PABPC3: variants seen among roughly 807,000 people sequenced by gnomAD.
PABPC3 encodes the protein poly(A) binding protein cytoplasmic 3, also known as polyadenylate-binding protein 3.
PABPC3 carries 43 observed loss-of-function variants against 43.0 expected under a neutral mutation model. The observed-to-expected ratio is 1.00, with a 90% CI of 0.78 to 1.29. PABPC3 has a LOEUF of 1.29. Among genes scored for constraint, PABPC3 ranks in the 50% most tolerant of loss-of-function variants. PABPC3 has a pLI of 0.00. For missense variants in PABPC3, 784 were observed against 798.1 expected (o/e 0.98, Z 0.21); for synonymous variants, 221 against 274.6 (o/e 0.80, Z 1.93).
chr13:25,098,037 A>G lies in PABPC3; in HGVS notation c.1839A>G (p.Gln613=). 2.5e-6 allele frequency: 4 copies of G among 1,614,032 alleles called. No individual in the cohort carries two copies. The highest frequency in any genetic ancestry group is 3.4e-6 in the Non-Finnish European group (4 of 1,179,874). ...CTGTAGCTGTACTACAAGCCCACCAAGCTAAAGAGGCTACCCAGAAAGCAG... is the reference window on the plus strand; with the variant it reads ...CTGTAGCTGTACTACAAGCCCACCAGGCTAAAGAGGCTACCCAGAAAGCAG... ...DEAVAVLQAH[Q]AKEATQKAVN... The change falls in exon 1 of 1, where the codon CAA becomes CAG. Residue 613 remains glutamine, a synonymous_variant. Transcript: ENST00000281589.
chr13:25,096,917 G>A lies in PABPC3; in HGVS notation c.719G>A (p.Arg240Lys). The A allele has an allele frequency of 6.2e-7, 1 of 1,614,270 alleles. No homozygotes were observed. The highest frequency in any genetic ancestry group is 2.2e-5 in the East Asian group (1 of 44,892). The change falls in exon 1 of 1, where the codon AGG (arginine) becomes AAG (lysine). Residue 240 changes from arginine (R) to lysine (K), a missense_variant. Coordinates refer to ENST00000281589, the MANE Select transcript of PABPC3 (RefSeq NM_030979.3). ...SKGFGFVSFE[R>K]HEDAQKAVDE... Reference sequence around the variant, plus strand: ...GGATTTGGATTTGTAAGCTTTGAAAGGCATGAAGATGCACAGAAAGCTGTA... The same window carrying A: ...GGATTTGGATTTGTAAGCTTTGAAAAGCATGAAGATGCACAGAAAGCTGTA...
Position 25,098,190 on chromosome 13 carries a change from A to T in PABPC3, c.*96A>T, listed in dbSNP as rs1224028753. ...GGGAAAAAAAATTGCAAAATCTAAA[A>T]TAAAAAATGCAAAATCTAAAATAAA... is the stretch of plus-strand genomic sequence containing the variant. On this transcript the variant is annotated 3_prime_UTR_variant, in exon 1 of 1. Transcript: ENST00000281589. The T allele has an allele frequency of 4.5e-6, 5 of 1,113,756 alleles. No individual in the cohort carries two copies. The African/African-American group carries it at 7.9e-5, about 18-fold the overall frequency. The allele number at this position is 1,113,756 out of a possible 1,614,324, so 69.0% of individuals were successfully genotyped here.
In PABPC3 at chr13:25,097,294, G is replaced by A. The variant is rs748020373; in HGVS notation, c.1096G>A (p.Ala366Thr). 5 of 1,614,268 alleles carry A rather than the reference G, an allele frequency of 3.1e-6. No homozygotes were observed. The highest frequency in any genetic ancestry group is 4.2e-6 in the Non-Finnish European group (5 of 1,180,046). ...TGTGGCCACAAAGCCATTGTATGTA[G>A]CTTTAGCTCAGCGCAAAGAAGAGCG... Reference protein sequence around the residue: ...RIVATKPLYVALAQRKEERQA... With the variant: ...RIVATKPLYVTLAQRKEERQA... The change falls in exon 1 of 1, where the codon GCT becomes ACT. Residue 366 changes from alanine (A) to threonine (T), a missense_variant. Physicochemically the swap from Ala to Thr is moderately conservative, Grantham distance 58. Coordinates refer to ENST00000281589, the MANE Select transcript of PABPC3 (RefSeq NM_030979.3).
Position 25,097,785 on chromosome 13 carries a change from G to C in PABPC3, c.1587G>C (p.Gln529His), listed in dbSNP as rs187407273. 6.3e-5 allele frequency: 102 copies of C among 1,614,138 alleles called. No homozygotes were observed. The East Asian group carries it at 2.3e-3, about 36-fold the overall frequency. ...CACAGCCACAAGTTACAATGCAACA[G>C]CTTGCTGTTCATGTACAAGGTCAGG... ...RNAQPQVTMQQLAVHVQGQET... is the reference protein window; with the variant it reads ...RNAQPQVTMQHLAVHVQGQET... Residue 529 changes from glutamine (Q) to histidine (H), a missense_variant, in exon 1 of 1, where the codon CAG (glutamine) becomes CAC (histidine). Transcript: ENST00000281589.
Position 25,097,516 on chromosome 13 carries a change from C to T in PABPC3, c.1318C>T (p.Pro440Ser). Residue 440 changes from proline to serine, a missense_variant, in exon 1 of 1, where the codon CCA becomes TCA. Pro to Ser is a moderately conservative substitution (Grantham distance 74, BLOSUM62 -1). Coordinates refer to ENST00000281589, the MANE Select transcript of PABPC3 (RefSeq NM_030979.3). ...RWTAQGARPHPFQNKPSAIRP... is the reference protein window; with the variant it reads ...RWTAQGARPHSFQNKPSAIRP... The stretch of plus-strand genomic sequence containing the variant: ...GACTGCTCAGGGTGCCAGACCTCAT[C>T]CATTCCAAAATAAGCCCAGTGCTAT... 1 of 1,614,256 alleles carries T rather than the reference C, an allele frequency of 6.2e-7. No homozygotes were observed. The highest frequency in any genetic ancestry group is 8.5e-7 in the Non-Finnish European group (1 of 1,180,042).
chr13:25,096,601 A>G lies in PABPC3; in HGVS notation c.403A>G (p.Asn135Asp), dbSNP rs142227909. The part of the protein sequence containing the change: ...ILSCNVVCDE[N>D]GSKGYGFVHF... ...TTCGTGTAACGTGGTTTGTGATGAAAATGGTTCCAAGGGTTATGGATTTGT... is the reference window on the plus strand; with the variant it reads ...TTCGTGTAACGTGGTTTGTGATGAAGATGGTTCCAAGGGTTATGGATTTGT... The change falls in exon 1 of 1, where the codon AAT (asparagine) becomes GAT (aspartate). Residue 135 changes from asparagine (N) to aspartate (D), a missense_variant. Coordinates refer to ENST00000281589, the MANE Select transcript of PABPC3 (RefSeq NM_030979.3). 5.6e-6 allele frequency: 9 copies of G among 1,614,144 alleles called. No individual in the cohort carries two copies. The highest frequency in any genetic ancestry group is 1.6e-4 in the Middle Eastern group (1 of 6,084).
At position 25,096,160 on chromosome 13, in the gene PABPC3, A is replaced by G; in HGVS notation, c.-39A>G. On this transcript the variant is annotated 5_prime_UTR_variant, in exon 1 of 1. Transcript: ENST00000281589. ...CACGCGCTCTACTCCTGTAACGGAA[A>G]GGTCGCGGCTTGTGTGCCTGCGGGC... 4.4e-6 allele frequency: 7 copies of G among 1,581,764 alleles called. No homozygotes were observed. The highest frequency in any genetic ancestry group is 6.0e-6 in the Non-Finnish European group (7 of 1,162,062).
Position 25,097,106 on chromosome 13 carries a change from A to G in PABPC3, c.908A>G (p.Asp303Gly). 6.2e-7 allele frequency: 1 copy of G among 1,614,308 alleles called. No individual in the cohort carries two copies. The highest frequency in any genetic ancestry group is 8.5e-7 in the Non-Finnish European group (1 of 1,180,060). ...AATCTTTATGTGAAAAATCTTGATG[A>G]TGGTATTGATGATGAACGTCTCCGG... ...VVNLYVKNLD[D>G]GIDDERLRKA... The change falls in exon 1 of 1, where the codon GAT (aspartate) becomes GGT (glycine). Residue 303 changes from aspartate (D) to glycine (G), a missense_variant. Coordinates refer to ENST00000281589, the MANE Select transcript of PABPC3 (RefSeq NM_030979.3).
rs1956033562 is a variant in PABPC3 at position 25,096,144 on chromosome 13, T to A, written c.-55T>A. 6.4e-7 allele frequency: 1 copy of A among 1,556,068 alleles called. No individual in the cohort carries two copies. Among genetic ancestry groups the A allele is most frequent in the Non-Finnish European group, 8.7e-7 (1 of 1,145,940 alleles). On this transcript the variant is annotated 5_prime_UTR_variant, in exon 1 of 1. Coordinates refer to ENST00000281589, the MANE Select transcript of PABPC3 (RefSeq NM_030979.3). ...ACGCCCCCGGCCCCGGCACGCGCTC[T>A]ACTCCTGTAACGGAAAGGTCGCGGC...
In PABPC3 at chr13:25,096,165, G is replaced by T; in HGVS notation, c.-34G>T. 1 of 1,588,990 alleles carries T rather than the reference G, an allele frequency of 6.3e-7. No individual in the cohort carries two copies. The highest frequency in any genetic ancestry group is 8.6e-7 in the Non-Finnish European group (1 of 1,166,086). On this transcript the variant is annotated 5_prime_UTR_variant, in exon 1 of 1. Transcript: ENST00000281589. ...GCTCTACTCCTGTAACGGAAAGGTC[G>T]CGGCTTGTGTGCCTGCGGGCAGCCG...
chr13:25,096,639 A>T lies in PABPC3; in HGVS notation c.441A>T (p.Thr147=). ...GTTATGGATTTGTACACTTTGAGAC[A>T]CACGAAGCAGCTGAAAGAGCTATTA... is the stretch of plus-strand genomic sequence containing the variant. ...SKGYGFVHFE[T]HEAAERAIKK... is the part of the protein sequence containing the mutation. Residue 147 remains threonine (T), a synonymous_variant, in exon 1 of 1, where the codon ACA becomes ACT. Coordinates refer to ENST00000281589, the MANE Select transcript of PABPC3 (RefSeq NM_030979.3). 1 of 1,382,496 alleles carries T rather than the reference A, an allele frequency of 7.2e-7. No individual in the cohort carries two copies. Among genetic ancestry groups the T allele is most frequent in the Non-Finnish European group, 9.5e-7 (1 of 1,057,706 alleles). 85.6% of individuals were successfully genotyped at this position (1,382,496 alleles called of 1,614,324 possible).
In PABPC3 at chr13:25,098,530, A is replaced by G. The variant is rs1362911811; in HGVS notation, c.*436A>G. ...GCAAGGAAACATGGTTTGGATTATA[A>G]AATTCTTGCTTTAATAAAAATTTCT... On this transcript the variant is annotated 3_prime_UTR_variant, in exon 1 of 1. Coordinates refer to ENST00000281589, the MANE Select transcript of PABPC3 (RefSeq NM_030979.3). 1 of 168,022 alleles carries G rather than the reference A, an allele frequency of 6.0e-6. No homozygotes were observed. Among genetic ancestry groups the G allele is most frequent in the Non-Finnish European group, 1.5e-5 (1 of 68,914 alleles). The allele number at this position is 168,022 out of a possible 1,614,324, so 10.4% of individuals were successfully genotyped here.
Position 25,097,799 on chromosome 13 carries a change from T to C in PABPC3, c.1601T>C (p.Val534Ala). 6.2e-7 allele frequency: 1 copy of C among 1,614,114 alleles called. No homozygotes were observed. Among genetic ancestry groups the C allele is most frequent in the Non-Finnish European group, 8.5e-7 (1 of 1,179,968 alleles). Residue 534 changes from valine to alanine, a missense_variant, in exon 1 of 1, where the codon GTA becomes GCA. Val to Ala is a moderately conservative substitution (Grantham distance 64, BLOSUM62 0). Coordinates refer to ENST00000281589, the MANE Select transcript of PABPC3 (RefSeq NM_030979.3). ...QVTMQQLAVH[V>A]QGQETLTASR... ...ACAATGCAACAGCTTGCTGTTCATG[T>C]ACAAGGTCAGGAAACTTTGACTGCC...
In PABPC3 at chr13:25,096,843, G is replaced by T. The variant is rs77476965; in HGVS notation, c.645G>T (p.Gly215=). The change falls in exon 1 of 1, where the codon GGG becomes GGT. Residue 215 remains glycine (G), a synonymous_variant. Transcript: ENST00000281589. ...ERLKDLFGKF[G]PALSVKVMTD... is the part of the protein sequence containing the mutation. The stretch of plus-strand genomic sequence containing the variant: ...TTAAGGATCTCTTTGGCAAGTTCGG[G>T]CCCGCCTTAAGTGTGAAAGTAATGA... The T allele has an allele frequency of 5.7e-6, 9 of 1,587,778 alleles. No individual in the cohort carries two copies. The highest frequency in any genetic ancestry group is 1.7e-5 in the Admixed American group (1 of 59,202).
rs370833725 is a variant in PABPC3, at chr13:25,097,651, G to C, written c.1453G>C (p.Gly485Arg). ...TGCTAACACATCAACACAGACAGTG[G>C]GTCCACGTCCTGCAGCTGCTGCTGC... ...RVANTSTQTV[G>R]PRPAAAAAAA... is the part of the protein sequence containing the mutation. Residue 485 changes from glycine to arginine, a missense_variant, in exon 1 of 1, where the codon GGT (glycine) becomes CGT (arginine). Physicochemically the swap from Gly to Arg is moderately radical, Grantham distance 125 (BLOSUM62 -2). Transcript: ENST00000281589. 1.4e-5 allele frequency: 22 copies of C among 1,614,036 alleles called. No homozygotes were observed. Among genetic ancestry groups the C allele is most frequent in the East Asian group, 2.2e-5 (1 of 44,900 alleles).
At position 25,097,225 on chromosome 13, in the gene PABPC3, C is replaced by T. The variant is rs760119761; in HGVS notation, c.1027C>T (p.Pro343Ser). 2 of 1,614,140 alleles carry T rather than the reference C, an allele frequency of 1.2e-6. No homozygotes were observed. Among genetic ancestry groups the T allele is most frequent in the Admixed American group, 1.7e-5 (1 of 60,016 alleles). Residue 343 changes from proline (P) to serine (S), a missense_variant, in exon 1 of 1, where the codon CCA becomes TCA. Transcript: ENST00000281589. Reference protein sequence around the residue: ...KGFGFVCFSSPEEATKAVTEM... With the variant: ...KGFGFVCFSSSEEATKAVTEM... ...GTTTGGTTTTGTATGTTTCTCCTCC[C>T]CAGAAGAAGCCACTAAAGCAGTTAC...
In PABPC3 at chr13:25,096,694, C is replaced by G. The variant is rs186038686; in HGVS notation, c.496C>G (p.Arg166Gly). The change falls in exon 1 of 1, where the codon CGC becomes GGC. Residue 166 changes from arginine to glycine, a missense_variant. Physicochemically the swap from Arg to Gly is moderately radical, Grantham distance 125 (BLOSUM62 -2). Transcript: ENST00000281589. ...KKMNGMLLNG[R>G]KVFVGQFKSR... is the part of the protein sequence containing the mutation. The stretch of plus-strand genomic sequence containing the variant: ...AATGAACGGAATGCTCCTAAATGGT[C>G]GCAAAGTATTTGTTGGACAATTTAA... 3 of 1,614,268 alleles carry G rather than the reference C, an allele frequency of 1.9e-6. No individual in the cohort carries two copies. Among genetic ancestry groups the G allele is most frequent in the Non-Finnish European group, 2.5e-6 (3 of 1,180,056 alleles).
chr13:25,096,162 G>T lies in PABPC3; in HGVS notation c.-37G>T. 2 of 1,586,860 alleles carry T rather than the reference G, an allele frequency of 1.3e-6. No homozygotes were observed. Among genetic ancestry groups the T allele is most frequent in the Middle Eastern group, 1.7e-4 (1 of 5,824 alleles). On this transcript the variant is annotated 5_prime_UTR_variant, in exon 1 of 1. Transcript: ENST00000281589. ...CGCGCTCTACTCCTGTAACGGAAAGGTCGCGGCTTGTGTGCCTGCGGGCAG... is the reference window on the plus strand; with the variant it reads ...CGCGCTCTACTCCTGTAACGGAAAGTTCGCGGCTTGTGTGCCTGCGGGCAG...
chr13:25,096,234 G>A lies in PABPC3; in HGVS notation c.36G>A (p.Ser12=). 6.2e-7 allele frequency: 1 copy of A among 1,614,058 alleles called. No homozygotes were observed. Residue 12 remains serine, a synonymous_variant, in exon 1 of 1, where the codon TCG becomes TCA. Transcript: ENST00000281589. ...GCACCCCCAGCTACCCAACGGCCTC[G>A]CTCTACGTGGGGGACCTCCACCCCG... The part of the protein sequence containing the change: ...NPSTPSYPTA[S]LYVGDLHPDV...
Sources: allele counts gnomAD v4.1 joint callset, GRCh38; gene constraint gnomAD v4.1.1; transcripts MANE v1.5; gene names NCBI Gene and HGNC (gene_info 2026-07-23, HGNC 2026-07-21).